ECM2: variants seen among roughly 807,000 people sequenced by gnomAD.
ECM2 encodes extracellular matrix protein 2, also known as extracellular matrix protein 2, female organ and adipocyte specific.
Under a neutral mutation model 67.5 loss-of-function variants are expected in ECM2, and 57 were observed. The ratio of observed to expected loss-of-function variants is 0.84; its 90% CI spans 0.68 to 1.05. ECM2 has a LOEUF of 1.05. Among genes scored for constraint, ECM2 ranks in the 50% least tolerant of loss-of-function variants. The pLI is 0.00. For missense variants in ECM2, 741 were observed against 822.8 expected (o/e 0.90, Z 1.22); for synonymous variants, 258 against 294.5 (o/e 0.88, Z 1.27).
At chr9:92,521,076 A>G (rs1211418242) in intron 2 of ECM2, among the ~76,000 whole-genome samples, 1 of 152,228 alleles carries the variant, frequency 6.6e-6, no homozygotes, top group Non-Finnish European at 1.5e-5. Flanking sequence ...TGAATTGTAC[A>G]CTTTAAAATG....
Position 92,512,020 on chromosome 9 carries a change from T to C in ECM2, c.1161A>G (p.Lys387=). Residue 387 remains lysine, a synonymous_variant, in exon 5 of 10, where the codon AAA becomes AAG. Coordinates refer to ENST00000344604, the MANE Select transcript of ECM2 (RefSeq NM_001393.4). ...CAGAGCATGTATTTACCTTGAATGC[T>C]TTTGGACCTATGCCTGAAGAAGTGA... is the stretch of plus-strand genomic sequence containing the variant. ...NNITSSGIGP[K]AFKLLKKLMR... 1 of 1,611,118 alleles carries C rather than the reference T, an allele frequency of 6.2e-7. No homozygotes were observed. The highest frequency in any genetic ancestry group is 1.1e-5 in the South Asian group (1 of 90,694).
the ECM2 span, among the ~76,000 whole-genome samples, chr9:92,546,680 T>G: frequency 6.6e-6 from 1 of 152,098 alleles, no homozygotes; most frequent in Non-Finnish European, 1.5e-5. Flanking sequence ...ACCGTGAGGG[T>G]CCGCGGCTTC....
At chr9:92,520,644 A>G (rs1848007409) in intron 2 of ECM2, among the ~76,000 whole-genome samples, 1 of 152,228 alleles carries the variant, frequency 6.6e-6, no homozygotes, top group African/African-American at 2.4e-5. Flanking sequence ...GTGTTGAAAG[A>G]AAACTTATAT....
At position 92,499,360 on chromosome 9, in the gene ECM2, CA is replaced by C. The variant is rs1327344085; in HGVS notation, c.1931+1366del. ...TGACAAAGCAGCCCTAGTTGATGAG[CA>C]AAAAATTTTTTACAGAGGAATTCCA... On this transcript the variant is annotated intron_variant, in intron 9 of 9. Transcript: ENST00000344604. Among the ~76,000 whole-genome samples, 8 of 152,040 alleles carry C rather than the reference CA, an allele frequency of 5.3e-5. No individual in the cohort carries two copies. In the East Asian group the frequency reaches 1.5e-3, roughly 29 times the overall value.
At chr9:92,535,596 C>G (rs1849119557) in intron 1 of ECM2, among the ~76,000 whole-genome samples, 1 of 152,140 alleles carries the variant, frequency 6.6e-6, no homozygotes, top group Admixed American at 6.5e-5. Flanking sequence ...TCTATTTTCA[C>G]TTCATTCAAC....
intron 2 of ECM2, among the ~76,000 whole-genome samples, chr9:92,519,769 G>C (rs897852520): frequency 3.3e-5 from 5 of 152,038 alleles, no homozygotes; most frequent in African/African-American, 1.2e-4. Context: ...CTCATATTTG[G>C]CAGTGGATTC....
chr9:92,550,695 C>G, the ECM2 span, among the ~76,000 whole-genome samples: 2 of 152,014 alleles, frequency 1.3e-5, no homozygotes, highest in African/African-American at 4.8e-5. Context: ...ATATGATATT[C>G]TAAATGTGTA....
chr9:92,496,567 A>G, intron 9 of ECM2, 84 bp from the exon 10 acceptor site: 11 of 1,527,180 alleles, frequency 7.2e-6, no homozygotes, highest in Non-Finnish European at 9.6e-6. Flanking sequence ...TGTTAAAAAA[A>G]TTTTGTTCTT....
In ECM2 at chr9:92,515,178, T is replaced by C; in HGVS notation, c.507A>G (p.Ile169Met). Residue 169 changes from isoleucine (I) to methionine (M), a missense_variant, in exon 4 of 10, where the codon ATA (isoleucine) becomes ATG (methionine). Transcript: ENST00000344604. ...ATVSYSLLSG[I>M]ALNDRNEFSG... The stretch of plus-strand genomic sequence containing the variant: ...AAAATTCATTTCTATCATTTAATGC[T>C]ATACCACTGAGTAGAGAATAGGAGA... The C allele has an allele frequency of 6.2e-7, 1 of 1,601,708 alleles. No individual in the cohort carries two copies. Among genetic ancestry groups the C allele is most frequent in the East Asian group, 2.2e-5 (1 of 44,816 alleles).
chr9:92,525,134 A>C (rs910139012), intron 1 of ECM2, among the ~76,000 whole-genome samples: 2 of 152,150 alleles, frequency 1.3e-5, no homozygotes, highest in Non-Finnish European at 2.9e-5. Context: ...AGTAAGGAAC[A>C]TAGCAAGACC....
chr9:92,501,181 C>A, intron 8 of ECM2, 128 bp from the exon 9 acceptor site: 1 of 906,886 alleles, frequency 1.1e-6, no homozygotes, highest in Non-Finnish European at 1.6e-6. Context: ...GTGATGATTC[C>A]AAATAGGAAC....
At chr9:92,513,143 C>T (rs961741917) in intron 4 of ECM2, among the ~76,000 whole-genome samples, 2 of 152,310 alleles carry the variant, frequency 1.3e-5, no homozygotes, top group Admixed American at 1.3e-4. Context: ...GCTCCTGCTG[C>T]TCCCAGCACC....
At chr9:92,546,679 G>A in the ECM2 span, among the ~76,000 whole-genome samples, 1 of 152,130 alleles carries the variant, frequency 6.6e-6, no homozygotes, top group Non-Finnish European at 1.5e-5. Context: ...CACCGTGAGG[G>A]TCCGCGGCTT....
chr9:92,532,015 G>GTTTTTTTTGTTTTTTTTT (rs1563990161), intron 1 of ECM2, among the ~76,000 whole-genome samples: 1 of 95,736 alleles, frequency 1.0e-5, no homozygotes, highest in Non-Finnish European at 1.9e-5. Context: ...TTTATTTAAT[G>GTTTTTTTTGTTTTTTTTT]TTTTTTTTTT....
intron 8 of ECM2, 30 bp downstream of exon 8, chr9:92,502,483 A>C: frequency 6.2e-7 from 1 of 1,606,858 alleles, no homozygotes; most frequent in Non-Finnish European, 8.5e-7. Flanking sequence ...GAAATAGTTC[A>C]ATAAAATTTA....
At chr9:92,557,746 GA>G in the ECM2 span, among the ~76,000 whole-genome samples, 1 of 152,080 alleles carries the variant, frequency 6.6e-6, no homozygotes, top group East Asian at 1.9e-4. Flanking sequence ...AGGTTCAAGT[GA>G]TTCTCCTGCC....
At chr9:92,538,767 ACT>A (rs1288465224), upstream of ECM2, among the ~76,000 whole-genome samples, 2 of 152,112 alleles carry the variant, frequency 1.3e-5, no homozygotes, top group Non-Finnish European at 2.9e-5. Flanking sequence ...TTCTGACAAC[ACT>A]CTGCAGGAAT....
At chr9:92,530,283 C>T (rs1246774315) in intron 1 of ECM2, among the ~76,000 whole-genome samples, 3 of 151,978 alleles carry the variant, frequency 2.0e-5, no homozygotes, top group African/African-American at 7.3e-5. Flanking sequence ...AAACTATGGA[C>T]ATTGGGTGAT....
the ECM2 span, among the ~76,000 whole-genome samples, chr9:92,554,097 G>T: frequency 6.6e-6 from 1 of 151,972 alleles, no homozygotes; most frequent in African/African-American, 2.4e-5. Context: ...TGCCGATTTT[G>T]TTGAGAGTTT....
Sources: gnomAD v4.1 joint callset for allele counts (sites outside exome capture counted in the v4.1 genomes callset) on GRCh38, gnomAD v4.1.1 for gene constraint, MANE v1.5 for transcripts, NCBI Gene and HGNC (gene_info 2026-07-23, HGNC 2026-07-21) for gene names.